Variants in CNTLN observed in about 807,000 individuals in gnomAD.
CNTLN encodes the protein centlein.
Under a neutral mutation model 180.0 loss-of-function variants are expected in CNTLN, and 212 were observed. The ratio of observed to expected loss-of-function variants is 1.18; its 90% CI spans 1.05 to 1.32. The LOEUF is 1.32. Among genes scored for constraint, CNTLN ranks in the 40% most tolerant of loss-of-function variants. The probability of loss-of-function intolerance (pLI) is 0.00; values close to 1 mark genes in which losing one functional copy is unlikely to be tolerated. For synonymous variants in CNTLN, 722 were observed against 563.1 expected (o/e 1.28, Z -3.99); for missense variants, 2,095 against 1,610.9 (o/e 1.30, Z -5.14).
chr9:17,189,193 C>G (rs1389319924), intron 2 of CNTLN, among the ~76,000 whole-genome samples: 1 of 147,140 alleles, frequency 6.8e-6, no homozygotes, highest in Non-Finnish European at 1.5e-5. Flanking sequence ...CGCCATTCTC[C>G]TGCCTCAGCT....
At chr9:17,511,721 C>T in the CNTLN span, among the ~76,000 whole-genome samples, 4 of 151,750 alleles carry the variant, frequency 2.6e-5, no homozygotes, top group Admixed American at 2.0e-4. Flanking sequence ...TAGACAAGAG[C>T]GTGAATAACA....
intron 6 of CNTLN, among the ~76,000 whole-genome samples, chr9:17,291,000 G>A (rs1035899757): frequency 6.6e-6 from 1 of 152,106 alleles, no homozygotes; most frequent in Non-Finnish European, 1.5e-5. Flanking sequence ...CTGTAGACCG[G>A]AGCTGTTCCT....
intron 7 of CNTLN, chr9:17,302,137 C>G (rs947918068): frequency 2.0e-6 from 2 of 976,016 alleles, no homozygotes; most frequent in Non-Finnish European, 2.4e-6. Context: ...CACACACTGA[C>G]CTATCCACCC....
In CNTLN at chr9:17,305,904, A is replaced by C. The variant is rs143060980; in HGVS notation, c.1147-3154A>C. On this transcript the variant is annotated intron_variant, in intron 7 of 25. Coordinates refer to ENST00000380647, the MANE Select transcript of CNTLN (RefSeq NM_017738.4). ...GAGTAAGCTAAGGAATAAGATAAGA[A>C]TTTTTCCCAAAACCTAGAGCAAAGC... Among the ~76,000 whole-genome samples the C allele has an allele frequency of 2.9e-3, 447 of 152,220 alleles. 1 individual carries two copies. The highest frequency in any genetic ancestry group is 0.01 in the African/African-American group (426 of 41,538).
At chr9:17,455,869 T>C (rs1270696129) in intron 18 of CNTLN, among the ~76,000 whole-genome samples, 6 of 151,890 alleles carry the variant, frequency 4.0e-5, no homozygotes, top group African/African-American at 1.5e-4. Context: ...GCAACACAAA[T>C]TGAAGCCTAA....
intron 6 of CNTLN, among the ~76,000 whole-genome samples, chr9:17,291,323 C>T (rs1206468953): frequency 6.6e-6 from 1 of 152,022 alleles, no homozygotes; most frequent in Non-Finnish European, 1.5e-5. Context: ...TTATCAGGTC[C>T]ACTTGATCCA....
chr9:17,217,579 T>A (rs1297472637), intron 2 of CNTLN, among the ~76,000 whole-genome samples: 4 of 152,212 alleles, frequency 2.6e-5, no homozygotes, highest in Non-Finnish European at 5.9e-5. Context: ...GCAACCCTGG[T>A]GATGTGCAGA....
chr9:17,527,498 T>C, the CNTLN span, among the ~76,000 whole-genome samples: 2 of 152,184 alleles, frequency 1.3e-5, no homozygotes, highest in African/African-American at 4.8e-5. Flanking sequence ...GCGATGCATG[T>C]ATACTGGGAC....
chr9:17,487,721 G>A (rs1231432248), intron 25 of CNTLN, among the ~76,000 whole-genome samples: 2 of 152,014 alleles, frequency 1.3e-5, no homozygotes, highest in African/African-American at 2.4e-5. Flanking sequence ...AATCCCTGAG[G>A]GGTCTGTTGA....
intron 15 of CNTLN, 67 bp from the exon 16 acceptor site, chr9:17,409,226 A>T: frequency 7.0e-7 from 1 of 1,436,028 alleles, no homozygotes. Flanking sequence ...TTTGGTCTTG[A>T]ACTTAAGACA....
At chr9:17,272,038 T>C (rs1365414563) in intron 5 of CNTLN, among the ~76,000 whole-genome samples, 18 of 145,522 alleles carry the variant, frequency 1.2e-4, no homozygotes, top group Non-Finnish European at 2.4e-4. Flanking sequence ...TTCCTTCCTT[T>C]TTTCCTTCCT....
chr9:17,516,221 T>C, the CNTLN span, among the ~76,000 whole-genome samples: 2 of 152,204 alleles, frequency 1.3e-5, no homozygotes, highest in Non-Finnish European at 2.9e-5. Context: ...CCATCTACCC[T>C]GCCTTATCTT....
intron 16 of CNTLN, among the ~76,000 whole-genome samples, chr9:17,415,297 G>A (rs1828142035): frequency 6.6e-6 from 1 of 152,050 alleles, no homozygotes; most frequent in Admixed American, 6.6e-5. Context: ...AAGGCTATTA[G>A]CTTCATTTGT....
rs143087820 is a variant in CNTLN at position 17,244,362 on chromosome 9, C to T, written c.849+7774C>T. Among the ~76,000 whole-genome samples the T allele has an allele frequency of 4.0e-4, 61 of 152,104 alleles. No homozygotes were observed. The East Asian group carries it at 0.012, about 30-fold the overall frequency. On this transcript the variant is annotated intron_variant, in intron 5 of 25. Coordinates refer to ENST00000380647, the MANE Select transcript of CNTLN (RefSeq NM_017738.4). ...GAGTAGCTGAGGCTACAGGCATATA[C>T]CACTATATCTGGCTAATTTTTTGCT...
chr9:17,465,863 G>A (rs557382587), intron 21 of CNTLN, 118 bp from the exon 22 acceptor site: 17 of 703,556 alleles, frequency 2.4e-5, no homozygotes, highest in East Asian at 3.0e-5. Context: ...ATTTGATAGC[G>A]TTATGAGAAA....
intron 2 of CNTLN, among the ~76,000 whole-genome samples, chr9:17,178,903 A>G (rs1051657560): frequency 3.9e-5 from 6 of 152,254 alleles, no homozygotes; most frequent in Non-Finnish European, 8.8e-5. Context: ...AGGCGCCGAG[A>G]GCGAGGGAGG....
chr9:17,467,799 TAA>T (rs1554726717), intron 23 of CNTLN, among the ~76,000 whole-genome samples: 1 of 151,774 alleles, frequency 6.6e-6, no homozygotes, highest in Non-Finnish European at 1.5e-5. Flanking sequence ...GGTGGGAATG[TAA>T]ATTAGTTCAG....
chr9:17,384,304 T>C (rs1195769645), intron 13 of CNTLN, among the ~76,000 whole-genome samples: 3 of 137,248 alleles, frequency 2.2e-5, no homozygotes, highest in Non-Finnish European at 4.9e-5. Context: ...AAAAAAAAAC[T>C]ACTTATCCTT....
In CNTLN at chr9:17,260,439, A is replaced by C. The variant is rs201017540; in HGVS notation, c.850-13294A>C. ...AATAGGTGTGGTGTGGTGCTGAAAA[A>C]AATGTATATTCTGTATGTCTTCTTT... On this transcript the variant is annotated intron_variant, in intron 5 of 25. Coordinates refer to ENST00000380647, the MANE Select transcript of CNTLN (RefSeq NM_017738.4). Among the ~76,000 whole-genome samples the C allele has an allele frequency of 2.8e-4, 43 of 151,306 alleles. 2 individuals carry two copies. The highest frequency in any genetic ancestry group is 1.0e-3 in the African/African-American group (42 of 40,866).
Sources: gnomAD v4.1 joint callset for allele counts (sites outside exome capture counted in the v4.1 genomes callset) on GRCh38, gnomAD v4.1.1 for gene constraint, MANE v1.5 for transcripts, NCBI Gene and HGNC (gene_info 2026-07-23, HGNC 2026-07-21) for gene names.